The following LRRK1 variants were observed in gnomAD, a reference collection of about 807,000 sequenced individuals.
LRRK1 encodes the protein leucine-rich repeat serine/threonine-protein kinase 1.
In LRRK1, 113 loss-of-function variants were observed where a neutral mutation model predicts 209.1. The observed-to-expected ratio is 0.54, with a 90% CI of 0.46 to 0.63. The LOEUF (loss-of-function observed/expected upper bound fraction) is 0.63, where lower values mean the gene tolerates loss of function less well. LRRK1 is among the 30% of genes least tolerant of loss of function. LRRK1 has a pLI of 0.00. For synonymous variants in LRRK1, 1,144 were observed against 1,099.7 expected (o/e 1.04, Z -0.80); for missense variants, 2,284 against 2,632.2 (o/e 0.87, Z 2.89).
intron 6 of LRRK1, among the ~76,000 whole-genome samples, chr15:101,003,673 C>T (rs1030361996): frequency 2.6e-5 from 4 of 152,208 alleles, no homozygotes; most frequent in Admixed American, 6.5e-5. Context: ...TGGGGGAAAC[C>T]GCCCCATGAT....
chr15:101,002,796 C>T (rs2032762178), intron 6 of LRRK1, among the ~76,000 whole-genome samples: 1 of 152,166 alleles, frequency 6.6e-6, no homozygotes. Flanking sequence ...TGCAGGGGTG[C>T]AATCTCAGCT....
At position 100,977,980 on chromosome 15, in the gene LRRK1, C is replaced by T. The variant is rs533029964; in HGVS notation, c.261+4013C>T. Among the ~76,000 whole-genome samples, 9 of 152,186 alleles carry T rather than the reference C, an allele frequency of 5.9e-5. No individual in the cohort carries two copies. The South Asian group carries it at 1.0e-3, about 18-fold the overall frequency. ...ATGCTTCTGTGAGCAATTATAAATA[C>T]ACTTGAAACAAATGGAGTAATAGAA... On this transcript the variant is annotated intron_variant, in intron 3 of 33. Transcript: ENST00000388948.
chr15:100,951,284 A>G (rs1191350053), intron 2 of LRRK1, among the ~76,000 whole-genome samples: 7 of 152,228 alleles, frequency 4.6e-5, no homozygotes, highest in African/African-American at 1.7e-4. Context: ...AGACAGATGG[A>G]AAATGGCAAG....
chr15:101,011,675 T>G (rs1274964378), intron 9 of LRRK1, among the ~76,000 whole-genome samples: 1 of 152,142 alleles, frequency 6.6e-6, no homozygotes, highest in African/African-American at 2.4e-5. Context: ...CATTCCTAGT[T>G]TGGCCATTCG....
chr15:100,922,991 C>G (rs1379280303), intron 1 of LRRK1, among the ~76,000 whole-genome samples: 1 of 152,188 alleles, frequency 6.6e-6, no homozygotes, highest in Non-Finnish European at 1.5e-5. Flanking sequence ...TACCTTACTT[C>G]GTGCCCCTAC....
At chr15:100,921,256 C>T (rs2042016855) in intron 1 of LRRK1, among the ~76,000 whole-genome samples, 1 of 152,196 alleles carries the variant, frequency 6.6e-6, no homozygotes, top group South Asian at 2.1e-4. Context: ...CCCTAACTTA[C>T]CTGTGGTTTC....
rs2042432624 is a variant in LRRK1 at position 100,941,464 on chromosome 15, C to CTGTGTGTGTCTGTGTG, written c.97+16744_97+16745insCTGTGTGTGTGTGTGT. ...TGTGTGTCTGTGTGTGTCTATGTCT[C>CTGTGTGTGTCTGTGTG]TGTGTGTGTGTGTGTGTGTGTGTGT... On this transcript the variant is annotated intron_variant, in intron 2 of 33. Coordinates refer to ENST00000388948, the MANE Select transcript of LRRK1 (RefSeq NM_024652.6). Among the ~76,000 whole-genome samples, 114 of 88,818 alleles carry CTGTGTGTGTCTGTGTG rather than the reference C, an allele frequency of 1.3e-3. 3 individuals are homozygous for CTGTGTGTGTCTGTGTG. Among genetic ancestry groups the CTGTGTGTGTCTGTGTG allele is most frequent in the African/African-American group, 5.4e-3 (106 of 19,514 alleles). The allele number at this position is 88,818 out of a possible 152,430, so 58.3% of individuals were successfully genotyped here. A position where few individuals can be genotyped will look rare whatever the true frequency, so the allele number is the denominator to read the frequency against.
At chr15:100,997,707 A>G (rs1444174605) in intron 6 of LRRK1, among the ~76,000 whole-genome samples, 1 of 152,214 alleles carries the variant, frequency 6.6e-6, no homozygotes, top group Non-Finnish European at 1.5e-5. Context: ...TATGTGTGGA[A>G]AGTAATTGGC....
chr15:101,021,871 C>G lies in LRRK1; in HGVS notation c.1766C>G (p.Pro589Arg), dbSNP rs759743498. 1.2e-6 allele frequency: 2 copies of G among 1,613,912 alleles called. No individual in the cohort carries two copies. The highest frequency in any genetic ancestry group is 1.1e-5 in the South Asian group (1 of 91,062). ...AACCCTGGCCTCCGGGAGCTCCCTC[C>G]TGAGCTGGGGCAGCTGGGCAACCTC... The part of the protein sequence containing the change: ...GNNPGLRELP[P>R]ELGQLGNLWQ... The change falls in exon 14 of 34, where the codon CCT becomes CGT. Residue 589 changes from proline (P) to arginine (R), a missense_variant. By Grantham distance (103) the Pro-to-Arg change is moderately radical. Around this residue, in one of 6 missense-constraint regions of LRRK1, gnomAD observed 494 missense variants for 522.1 expected, o/e 0.95. Transcript: ENST00000388948.
At chr15:101,037,178 G>A (rs1284913757) in intron 20 of LRRK1, among the ~76,000 whole-genome samples, 1 of 152,200 alleles carries the variant, frequency 6.6e-6, no homozygotes, top group Non-Finnish European at 1.5e-5. Flanking sequence ...TGTGGGTAAT[G>A]GCAGTGGAAG....
chr15:101,051,997 G>A, intron 24 of LRRK1, 37 bp downstream of exon 24: 1 of 1,594,738 alleles, frequency 6.3e-7, no homozygotes, highest in South Asian at 1.1e-5. Flanking sequence ...CACAGTGCAG[G>A]TCACAGGGGG....
intron 2 of LRRK1, among the ~76,000 whole-genome samples, chr15:100,938,843 G>C (rs904125823): frequency 6.6e-6 from 1 of 152,114 alleles, no homozygotes; most frequent in Admixed American, 6.5e-5. Context: ...TGTAATCCTA[G>C]GACTTTAGGA....
chr15:101,063,247 G>C, intron 31 of LRRK1, among the ~76,000 whole-genome samples: 1 of 152,072 alleles, frequency 6.6e-6, no homozygotes, highest in Non-Finnish European at 1.5e-5. Context: ...CCCATTAAAG[G>C]CCCAGCCAGC....
At position 101,049,489 on chromosome 15, in the gene LRRK1, A is replaced by T. The variant is rs540889652; in HGVS notation, c.3300-155A>T. On this transcript the variant is annotated intron_variant, in intron 22 of 33. Coordinates refer to ENST00000388948, the MANE Select transcript of LRRK1 (RefSeq NM_024652.6). ...GCAAGAACAAGGCAGGGCCACGCAC[A>T]CGTACATACAGGGAGGAGTCCCCCA... is the stretch of plus-strand genomic sequence containing the variant. 54 of 768,340 alleles carry T rather than the reference A, an allele frequency of 7.0e-5. No homozygotes were observed. The African/African-American group carries it at 9.5e-4, about 14-fold the overall frequency. 47.6% of individuals were successfully genotyped at this position (768,340 alleles called of 1,614,324 possible).
intron 13 of LRRK1, 42 bp from the exon 14 acceptor site, chr15:101,021,775 CGTGTGTGTGTGTGTGTGTGTGTGTGTGT>C: frequency 2.3e-6 from 2 of 855,618 alleles, no homozygotes; most frequent in Non-Finnish European, 3.7e-6. Flanking sequence ...CACGTGTGTG[CGTGTGTGTGTGTGTGTGTGTGTGTGTGT>C]GTGTGTGTGT....
intron 20 of LRRK1, among the ~76,000 whole-genome samples, chr15:101,032,389 A>G (rs536863012): frequency 6.6e-6 from 1 of 151,790 alleles, no homozygotes; most frequent in East Asian, 1.9e-4. Flanking sequence ...TTAACTCGTC[A>G]TTTAACATGA....
At chr15:100,960,057 A>G (rs541039552) in intron 2 of LRRK1, among the ~76,000 whole-genome samples, 1 of 152,162 alleles carries the variant, frequency 6.6e-6, no homozygotes, top group South Asian at 2.1e-4. Context: ...CAATGTTGTT[A>G]TAGTAGTAAT....
In LRRK1 at chr15:101,054,415, G is replaced by A. The variant is rs188368136; in HGVS notation, c.4055-531G>A. ...AAGATATCAGGAATGAAGCTACAGC[G>A]ATGAGCATTTCTATCCTAAATACTG... On this transcript the variant is annotated intron_variant, in intron 26 of 33. Transcript: ENST00000388948. Among the ~76,000 whole-genome samples the A allele has an allele frequency of 7.3e-4, 111 of 152,350 alleles. 1 individual carries two copies. The highest frequency in any genetic ancestry group is 3.4e-3 in the Middle Eastern group (1 of 294).
chr15:100,937,219 CTA>C (rs1567188120), intron 2 of LRRK1, among the ~76,000 whole-genome samples: 2 of 152,132 alleles, frequency 1.3e-5, no homozygotes, highest in Non-Finnish European at 2.9e-5. Context: ...TATTTTTAAA[CTA>C]TCTTATTCAT....
Sources: allele counts gnomAD v4.1 joint callset (sites outside exome capture counted in the v4.1 genomes callset), GRCh38; gene constraint gnomAD v4.1.1; regional missense constraint gnomAD v4.1.1; transcripts MANE v1.5; gene names NCBI Gene and HGNC (gene_info 2026-07-23, HGNC 2026-07-21).